The following MECOM variants were observed in gnomAD, a reference collection of about 807,000 sequenced individuals.
MECOM encodes the protein histone-lysine N-methyltransferase MECOM.
Under a neutral mutation model 116.3 loss-of-function variants are expected in MECOM, and 13 were observed. The observed-to-expected ratio is 0.11, with a 90% confidence interval of 0.07 to 0.18. The LOEUF (loss-of-function observed/expected upper bound fraction) is 0.18. Among genes scored for constraint, MECOM ranks in the 10% least tolerant of loss-of-function variants. The pLI is 1.00. For missense variants in MECOM, 1,299 were observed against 1,509.0 expected (o/e 0.86, Z 2.31); for synonymous variants, 528 against 535.2 (o/e 0.99, Z 0.19).
intron 2 of MECOM, among the ~76,000 whole-genome samples, chr3:169,206,752 TAA>T (rs71634427): frequency 2.1e-4 from 27 of 127,996 alleles, no homozygotes; most frequent in Non-Finnish European, 2.8e-4. Flanking sequence ...GACTTCCTCT[TAA>T]AAAAAAAAAA....
chr3:169,373,589 A>C (rs1730511563), intron 2 of MECOM, among the ~76,000 whole-genome samples: 1 of 152,006 alleles, frequency 6.6e-6, no homozygotes, highest in African/African-American at 2.4e-5. Context: ...TTTTGTAGAT[A>C]CATAGTAGGC....
chr3:169,364,479 C>T (rs980542687), intron 2 of MECOM, among the ~76,000 whole-genome samples: 3 of 151,962 alleles, frequency 2.0e-5, no homozygotes, highest in African/African-American at 4.8e-5. Context: ...TTGATTATCA[C>T]GAGTCAACTG....
At chr3:169,542,600 CT>C (rs2109239633) in intron 1 of MECOM, among the ~76,000 whole-genome samples, 1 of 152,276 alleles carries the variant, frequency 6.6e-6, no homozygotes, top group African/African-American at 2.4e-5. Flanking sequence ...CCCCTGACTT[CT>C]TTTTTATTCT....
At chr3:169,645,357 A>G (rs1774038115) in intron 1 of MECOM, among the ~76,000 whole-genome samples, 1 of 151,896 alleles carries the variant, frequency 6.6e-6, no homozygotes, top group Non-Finnish European at 1.5e-5. Flanking sequence ...CTTCCTTTGC[A>G]TGGGAAGGTT....
At chr3:169,609,317 T>A (rs1408434549) in intron 1 of MECOM, among the ~76,000 whole-genome samples, 1 of 152,144 alleles carries the variant, frequency 6.6e-6, no homozygotes, top group Non-Finnish European at 1.5e-5. Flanking sequence ...GGACTCTGAA[T>A]CAAAACTATT....
At chr3:169,313,123 A>G (rs1219204878) in intron 2 of MECOM, among the ~76,000 whole-genome samples, 1 of 152,198 alleles carries the variant, frequency 6.6e-6, no homozygotes, top group African/African-American at 2.4e-5. Context: ...AGAGTTTTTC[A>G]AAAAAGAAAG....
At chr3:169,122,310 C>T (rs897813699) in intron 6 of MECOM, among the ~76,000 whole-genome samples, 98 of 152,266 alleles carry the variant, frequency 6.4e-4, no homozygotes, top group African/African-American at 2.3e-3. Context: ...AAATCAGTAG[C>T]GGAACCAGGA....
intron 2 of MECOM, among the ~76,000 whole-genome samples, chr3:169,373,135 T>TC (rs1730423674): frequency 6.6e-6 from 1 of 152,026 alleles, no homozygotes; most frequent in Non-Finnish European, 1.5e-5. Context: ...ACAAGCACAT[T>TC]CCAAGTCTTT....
intron 2 of MECOM, among the ~76,000 whole-genome samples, chr3:169,303,073 C>A (rs1029152992): frequency 3.9e-5 from 6 of 152,042 alleles, no homozygotes; most frequent in African/African-American, 1.2e-4. Flanking sequence ...ACAATGATCA[C>A]CCAAAAAGGT....
At chr3:169,110,202 C>A (rs1174384537) in intron 9 of MECOM, among the ~76,000 whole-genome samples, 4 of 152,180 alleles carry the variant, frequency 2.6e-5, no homozygotes, top group Non-Finnish European at 5.9e-5. Context: ...GCCCCCCTTA[C>A]TTCTGCAGTG....
In MECOM at chr3:169,663,411, G is replaced by C; in HGVS notation, c.-39C>G. The C allele has an allele frequency of 6.3e-7, 1 of 1,594,500 alleles. No individual in the cohort carries two copies. The highest frequency in any genetic ancestry group is 8.5e-7 in the Non-Finnish European group (1 of 1,170,896). ...CTGCAGCCGCTGGTGTGTGGTTGGG[G>C]CTTTTTTTTCTTGGATCCTTTCCTT... On this transcript the variant is annotated 5_prime_UTR_variant, in exon 1 of 17. Coordinates refer to ENST00000651503, the MANE Select transcript of MECOM (RefSeq NM_004991.4).
intron 1 of MECOM, among the ~76,000 whole-genome samples, chr3:169,661,821 G>A (rs917391388): frequency 6.6e-6 from 1 of 152,118 alleles, no homozygotes; most frequent in South Asian, 2.1e-4. Flanking sequence ...ATTTCACTGG[G>A]GAGAAGCATC....
Position 169,663,444 on chromosome 3 carries a change from TCTCCCTCTCGCTCC to T in MECOM, c.-86_-73del, listed in dbSNP as rs1293897888. 5 of 1,495,486 alleles carry T rather than the reference TCTCCCTCTCGCTCC, an allele frequency of 3.3e-6. No individual in the cohort carries two copies. The highest frequency in any genetic ancestry group is 2.4e-5 in the East Asian group (1 of 41,408). 92.6% of individuals were successfully genotyped at this position (1,495,486 alleles called of 1,614,324 possible). A position where few individuals can be genotyped will look rare whatever the true frequency, so the allele number is the denominator to read the frequency against. The stretch of plus-strand genomic sequence containing the variant: ...TTCTTGGATCCTTTCCTTCTTTTGC[TCTCCCTCTCGCTCC>T]CTCCCTCTCTCTCCTGTCTCTCTCT... On this transcript the variant is annotated 5_prime_UTR_variant, in exon 1 of 17. Coordinates refer to ENST00000651503, the MANE Select transcript of MECOM (RefSeq NM_004991.4).
At chr3:169,284,233 C>T (rs1262778224) in intron 2 of MECOM, among the ~76,000 whole-genome samples, 2 of 152,060 alleles carry the variant, frequency 1.3e-5, no homozygotes, top group Non-Finnish European at 2.9e-5. Flanking sequence ...TTTACGATAC[C>T]GCCTGCTCCC....
At chr3:169,194,521 TTAA>T (rs1748153438) in intron 2 of MECOM, among the ~76,000 whole-genome samples, 1 of 152,048 alleles carries the variant, frequency 6.6e-6, no homozygotes, top group South Asian at 2.1e-4. Context: ...TGTAAACATC[TTAA>T]TAAATAACAG....
intron 1 of MECOM, among the ~76,000 whole-genome samples, chr3:169,570,433 C>T (rs991465020): frequency 2.6e-5 from 4 of 152,164 alleles, no homozygotes; most frequent in Non-Finnish European, 4.4e-5. Context: ...CATACCATTC[C>T]TTCTGAAACT....
intron 1 of MECOM, among the ~76,000 whole-genome samples, chr3:169,534,933 G>GCAAC (rs1759162971): frequency 6.6e-6 from 1 of 152,190 alleles, no homozygotes; most frequent in Non-Finnish European, 1.5e-5. Flanking sequence ...AGTTGCATGG[G>GCAAC]CAACCTCTCC....
intron 2 of MECOM, among the ~76,000 whole-genome samples, chr3:169,219,637 C>T (rs1181504397): frequency 6.6e-6 from 1 of 152,104 alleles, no homozygotes; most frequent in Non-Finnish European, 1.5e-5. Flanking sequence ...TGAGCACACA[C>T]ATGTAGCTAC....
intron 2 of MECOM, among the ~76,000 whole-genome samples, chr3:169,231,631 T>A (rs552202802): frequency 1.3e-5 from 2 of 151,408 alleles, no homozygotes; most frequent in African/African-American, 2.4e-5. Flanking sequence ...TGAGAATGAG[T>A]CTTCCACACA....
Sources: gnomAD v4.1 joint callset for allele counts (sites outside exome capture counted in the v4.1 genomes callset) on GRCh38, gnomAD v4.1.1 for gene constraint, MANE v1.5 for transcripts, NCBI Gene and HGNC (gene_info 2026-07-23, HGNC 2026-07-21) for gene names.